Variants in THSD4 observed in about 807,000 individuals in gnomAD.
The protein encoded by THSD4 is thrombospondin type 1 domain containing 4.
Under a neutral mutation model 119.0 loss-of-function variants are expected in THSD4, and 69 were observed. That is an observed-to-expected ratio of 0.58 (90% CI 0.48 to 0.71). THSD4 has a LOEUF of 0.71. Ranked by LOEUF, THSD4 falls within the 30% of genes least tolerant of loss-of-function variation. The probability of loss-of-function intolerance (pLI) is 0.00; values close to 1 mark genes in which losing one functional copy is unlikely to be tolerated. For missense variants in THSD4, 1,393 were observed against 1,391.1 expected, an observed-to-expected ratio of 1.00 and a Z score of -0.02; for synonymous variants, 524 against 540.4, an observed-to-expected ratio of 0.97 and a Z score of 0.42.
intron 7 of THSD4, among the ~76,000 whole-genome samples, chr15:71,473,562 C>G (rs1332885630): frequency 6.6e-6 from 1 of 152,164 alleles, no homozygotes; most frequent in Non-Finnish European, 1.5e-5. Context: ...ACACTAATGC[C>G]TAACATGCTC....
intron 7 of THSD4, among the ~76,000 whole-genome samples, chr15:71,467,258 A>G (rs2047513785): frequency 6.6e-6 from 1 of 152,196 alleles, no homozygotes; most frequent in Admixed American, 6.5e-5. Flanking sequence ...GGAATATCTC[A>G]TCCATCCTCG....
In THSD4 at chr15:71,731,170, T is replaced by C. The variant is rs2052971363; in HGVS notation, c.1583T>C (p.Met528Thr). The C allele has an allele frequency of 6.2e-7, 1 of 1,614,184 alleles. No individual in the cohort carries two copies. The highest frequency in any genetic ancestry group is 8.5e-7 in the Non-Finnish European group (1 of 1,180,032). The part of the protein sequence containing the change: ...NPGVHYEYVI[M>T]GTNAISPQVP... The stretch of plus-strand genomic sequence containing the variant: ...GGCGTGCACTACGAGTACGTGATCA[T>C]GGGGACCAACGCCATCAGCCCCCAG... The change falls in exon 10 of 18, where the codon ATG (methionine) becomes ACG (threonine). Residue 528 changes from methionine (M) to threonine (T), a missense_variant. Transcript: ENST00000261862.
intron 8 of THSD4, among the ~76,000 whole-genome samples, chr15:71,669,311 C>T (rs2051475565): frequency 6.6e-6 from 1 of 152,148 alleles, no homozygotes; most frequent in Non-Finnish European, 1.5e-5. Flanking sequence ...AACTCATATA[C>T]ATAATCAGTA....
At chr15:71,590,562 G>T (rs2049776501) in intron 7 of THSD4, among the ~76,000 whole-genome samples, 1 of 92,878 alleles carries the variant, frequency 1.1e-5, no homozygotes, top group Admixed American at 1.1e-4. Context: ...GAACGGGTGG[G>T]TGGGGGGAGG....
At chr15:71,276,292 G>A (rs10851836) in intron 6 of THSD4, among the ~76,000 whole-genome samples, 76,927 of 152,102 alleles carry the variant, frequency 0.51, 20,194 homozygotes, top group East Asian at 0.71. Flanking sequence ...GTACCTCTTC[G>A]GATATTTTAA....
intron 4 of THSD4, among the ~76,000 whole-genome samples, chr15:71,219,204 T>C (rs1344746190): frequency 2.6e-5 from 4 of 152,160 alleles, no homozygotes; most frequent in South Asian, 4.1e-4. Context: ...GAATTTTTTT[T>C]CCCATCTTTT....
At chr15:71,245,686 G>A (rs766310242) in intron 5 of THSD4, among the ~76,000 whole-genome samples, 1 of 152,176 alleles carries the variant, frequency 6.6e-6, no homozygotes, top group Non-Finnish European at 1.5e-5. Context: ...TGTGCCCGGG[G>A]TTTTTACTGA....
chr15:71,633,265 CTTTCTTT>C (rs370505699), intron 7 of THSD4, among the ~76,000 whole-genome samples: 28,971 of 122,056 alleles, frequency 0.24, 2,063 homozygotes, highest in East Asian at 0.48. Flanking sequence ...TTCTTTCTTT[CTTTCTTT>C]TTTTTTTTTT....
intron 7 of THSD4, among the ~76,000 whole-genome samples, chr15:71,412,301 CA>C (rs1479922707): frequency 3.9e-5 from 6 of 152,330 alleles, no homozygotes; most frequent in African/African-American, 1.2e-4. Context: ...GTACTTTAAA[CA>C]GGAAGTTTTC....
chr15:71,752,382 T>A (rs2053463570), intron 14 of THSD4, among the ~76,000 whole-genome samples: 1 of 152,254 alleles, frequency 6.6e-6, no homozygotes, highest in Admixed American at 6.5e-5. Flanking sequence ...CTTAAAATTA[T>A]AAATAGAGCA....
chr15:71,505,677 G>A (rs1217589728), intron 7 of THSD4, among the ~76,000 whole-genome samples: 1 of 152,188 alleles, frequency 6.6e-6, no homozygotes, highest in African/African-American at 2.4e-5. Context: ...AACATAGATG[G>A]AAAAATAAGC....
intron 8 of THSD4, among the ~76,000 whole-genome samples, chr15:71,694,863 T>C (rs1021865615): frequency 2.0e-5 from 3 of 151,762 alleles, no homozygotes; most frequent in Non-Finnish European, 4.4e-5. Context: ...AACACTCCCC[T>C]GTATCCACCT....
intron 1 of THSD4, among the ~76,000 whole-genome samples, chr15:71,104,015 A>C (rs2040263995): frequency 6.6e-6 from 1 of 152,116 alleles, no homozygotes; most frequent in Non-Finnish European, 1.5e-5. Flanking sequence ...ACCTGCTATG[A>C]TTTATGTTTC....
chr15:71,724,476 G>A (rs983987203), intron 8 of THSD4, among the ~76,000 whole-genome samples: 12 of 150,890 alleles, frequency 8.0e-5, no homozygotes, highest in Non-Finnish European at 1.6e-4. Flanking sequence ...TAGTAGAGAC[G>A]GGGTTTCACC....
intron 7 of THSD4, among the ~76,000 whole-genome samples, chr15:71,561,863 A>AACACACACAC (rs71154780): frequency 2.8e-4 from 37 of 130,466 alleles, no homozygotes; most frequent in Middle Eastern, 3.7e-3. Flanking sequence ...TTTTAAAATA[A>AACACACACAC]ACACACACAC....
At chr15:71,124,841 G>T (rs572250772) in intron 1 of THSD4, among the ~76,000 whole-genome samples, 2 of 151,932 alleles carry the variant, frequency 1.3e-5, no homozygotes, top group Admixed American at 6.6e-5. Context: ...CCAGGAGTTC[G>T]AGACCAGCCT....
intron 17 of THSD4, among the ~76,000 whole-genome samples, chr15:71,775,662 G>T (rs2053899359): frequency 6.6e-6 from 1 of 152,184 alleles, no homozygotes; most frequent in South Asian, 2.1e-4. Context: ...AATGAGCTGA[G>T]ATAGAGCCAC....
intron 6 of THSD4, among the ~76,000 whole-genome samples, chr15:71,306,487 C>T (rs918252768): frequency 3.3e-5 from 5 of 152,104 alleles, no homozygotes; most frequent in African/African-American, 1.2e-4. Context: ...ACACTCTCTG[C>T]TTCTCAGTTA....
At chr15:71,356,991 G>A (rs980440348) in intron 6 of THSD4, among the ~76,000 whole-genome samples, 3 of 152,208 alleles carry the variant, frequency 2.0e-5, no homozygotes, top group African/African-American at 7.2e-5. Flanking sequence ...TGTGAGAGAT[G>A]ACATTGGCCT....
Sources: allele counts gnomAD v4.1 joint callset (sites outside exome capture counted in the v4.1 genomes callset), GRCh38; gene constraint gnomAD v4.1.1; transcripts MANE v1.5; gene names NCBI Gene and HGNC (gene_info 2026-07-23, HGNC 2026-07-21).